Variants in DOP1B observed in about 807,000 individuals in gnomAD.
DOP1B encodes the protein DOP1 leucine zipper like protein B.
In DOP1B, 174 loss-of-function variants were observed where a neutral mutation model predicts 233.5. That is an observed-to-expected ratio of 0.75 (90% CI 0.66 to 0.85). The LOEUF (loss-of-function observed/expected upper bound fraction) is 0.85, where lower values mean the gene tolerates loss of function less well. Ranked by LOEUF, DOP1B falls within the 40% of genes least tolerant of loss-of-function variation. DOP1B has a pLI of 0.00. For synonymous variants in DOP1B, 1,190 were observed against 1,185.6 expected, an observed-to-expected ratio of 1.00 and a Z score of -0.08; for missense variants, 2,652 against 2,846.6, an observed-to-expected ratio of 0.93 and a Z score of 1.56.
At chr21:36,248,023 T>C in intron 20 of DOP1B, among the ~76,000 whole-genome samples, 1 of 152,252 alleles carries the variant, frequency 6.6e-6, no homozygotes, top group East Asian at 1.9e-4. Context: ...TCTTTTTCCA[T>C]GTATTTTTTA....
At chr21:36,182,892 G>T (rs2066117322) in intron 2 of DOP1B, among the ~76,000 whole-genome samples, 1 of 152,190 alleles carries the variant, frequency 6.6e-6, no homozygotes, top group Non-Finnish European at 1.5e-5. Context: ...ATCTTTTGGG[G>T]ATGTCACTGA....
At chr21:36,221,182 T>A (rs1274537627) in intron 10 of DOP1B, among the ~76,000 whole-genome samples, 2 of 152,148 alleles carry the variant, frequency 1.3e-5, no homozygotes, top group Non-Finnish European at 2.9e-5. Context: ...TTGCCTTAGA[T>A]ATTTGTTAAG....
chr21:36,218,907 A>G (rs927615550), intron 9 of DOP1B, among the ~76,000 whole-genome samples: 2 of 152,216 alleles, frequency 1.3e-5, no homozygotes, highest in Non-Finnish European at 2.9e-5. Context: ...GACTAAAGGA[A>G]TTGAAGAAGT....
At chr21:36,238,267 C>G (rs928671978) in intron 16 of DOP1B, among the ~76,000 whole-genome samples, 3 of 152,150 alleles carry the variant, frequency 2.0e-5, no homozygotes, top group Non-Finnish European at 2.9e-5. Context: ...TCTGTTGTGT[C>G]TCCTCGTTCT....
intron 21 of DOP1B, among the ~76,000 whole-genome samples, chr21:36,249,581 A>G (rs530215169): frequency 6.6e-6 from 1 of 152,332 alleles, no homozygotes; most frequent in African/African-American, 2.4e-5. Flanking sequence ...TGGCCCCATC[A>G]GAGTGGAATG....
In DOP1B at chr21:36,246,810, A is replaced by G. The variant is rs778084544; in HGVS notation, c.4697+133A>G. ...ATGAGAAGCCTGTTTAGCATTATCAAGAGGGGTAACAAGCAACTAAATGTT... is the reference window on the plus strand; with the variant it reads ...ATGAGAAGCCTGTTTAGCATTATCAGGAGGGGTAACAAGCAACTAAATGTT... On this transcript the variant is annotated intron_variant, in intron 19 of 36. Transcript: ENST00000691173. This position sits in a 1 kb window ranked among gnomAD's most constrained non-coding sequence, Gnocchi z 5.1. 2.1e-5 allele frequency: 22 copies of G among 1,051,068 alleles called. No individual in the cohort carries two copies. The highest frequency in any genetic ancestry group is 2.8e-5 in the Non-Finnish European group (21 of 739,316). 65.1% of individuals were successfully genotyped at this position (1,051,068 alleles called of 1,614,324 possible). A position where few individuals can be genotyped will look rare whatever the true frequency, so the allele number is the denominator to read the frequency against.
At chr21:36,216,714 A>C (rs977170462) in intron 9 of DOP1B, among the ~76,000 whole-genome samples, 9 of 152,170 alleles carry the variant, frequency 5.9e-5, no homozygotes, top group Non-Finnish European at 1.0e-4. Context: ...ATAGGATTGC[A>C]AGCCTAAGAA....
intron 12 of DOP1B, among the ~76,000 whole-genome samples, chr21:36,226,357 G>A (rs780926769): frequency 6.6e-6 from 1 of 151,668 alleles, no homozygotes; most frequent in African/African-American, 2.4e-5. Flanking sequence ...GAGTGCAATG[G>A]TGTGATCTCG....
chr21:36,225,096 C>T (rs1303532064), intron 11 of DOP1B, among the ~76,000 whole-genome samples: 3 of 152,248 alleles, frequency 2.0e-5, no homozygotes, highest in East Asian at 3.9e-4. Context: ...ATTGACACTT[C>T]TACATGTTAG....
intron 27 of DOP1B, among the ~76,000 whole-genome samples, chr21:36,273,271 G>A (rs1289073204): frequency 6.6e-6 from 1 of 151,504 alleles, no homozygotes; most frequent in Non-Finnish European, 1.5e-5. Context: ...GCCAGGTATG[G>A]TAGTGTGTGC....
At position 36,223,357 on chromosome 21, in the gene DOP1B, A is replaced by G. The variant is rs373877576; in HGVS notation, c.1370+7A>G. On this transcript the variant is annotated splice_region_variant and intron_variant, in intron 11 of 36. Transcript: ENST00000691173. ...GTTTTGAGGAATGCTTTAGGTAAGT[A>G]TGCAGTTCAAGAATGCAGAATATTT... is the stretch of plus-strand genomic sequence containing the variant. 3 of 1,607,662 alleles carry G rather than the reference A, an allele frequency of 1.9e-6. No homozygotes were observed. Among genetic ancestry groups the G allele is most frequent in the Non-Finnish European group, 2.5e-6 (3 of 1,178,576 alleles).
At chr21:36,251,972 G>T (rs996301853) in intron 22 of DOP1B, among the ~76,000 whole-genome samples, 2 of 152,060 alleles carry the variant, frequency 1.3e-5, no homozygotes, top group African/African-American at 2.4e-5. Context: ...AGGCCAAGAC[G>T]GGCAGATCGC....
chr21:36,171,779 C>T (rs147761139), intron 2 of DOP1B, among the ~76,000 whole-genome samples: 112 of 152,264 alleles, frequency 7.4e-4, no homozygotes, highest in African/African-American at 2.5e-3. Flanking sequence ...TGTGGCACTT[C>T]GTTATAGCAG....
intron 26 of DOP1B, among the ~76,000 whole-genome samples, chr21:36,264,661 C>T (rs889110675): frequency 2.0e-5 from 3 of 151,758 alleles, no homozygotes; most frequent in Non-Finnish European, 2.9e-5. Context: ...TTAGTAGAGG[C>T]GGGCTTTCTC....
intron 5 of DOP1B, among the ~76,000 whole-genome samples, chr21:36,210,033 G>A (rs1277332774): frequency 2.0e-5 from 3 of 152,016 alleles, no homozygotes; most frequent in East Asian, 1.9e-4. Flanking sequence ...CGATGAACAC[G>A]TCCCTTTCCT....
At chr21:36,247,079 C>T (rs142667520) in intron 19 of DOP1B, among the ~76,000 whole-genome samples, 2,017 of 152,158 alleles carry the variant, frequency 0.013, 47 homozygotes, top group African/African-American at 0.047. Context: ...GGGGTTTCAC[C>T]GTGTTGCCCA....
chr21:36,265,798 A>G (rs1323799408), intron 26 of DOP1B, among the ~76,000 whole-genome samples: 4 of 152,200 alleles, frequency 2.6e-5, no homozygotes, highest in Non-Finnish European at 5.9e-5. Flanking sequence ...GATATAGAAA[A>G]AAACAAAGTG....
In DOP1B at chr21:36,232,826, A is replaced by G. The variant is rs753726708; in HGVS notation, c.2373A>G (p.Pro791=). Reference sequence around the variant, plus strand: ...CAGGAGCCGGTGATTCCAGTTTTCCATCTTGGCTGAAGTCCCTCATGACTA... The same window carrying G: ...CAGGAGCCGGTGATTCCAGTTTTCCGTCTTGGCTGAAGTCCCTCATGACTA... The part of the protein sequence containing the change: ...QLPGAGDSSF[P]SWLKSLMTIC... The change falls in exon 15 of 37, where the codon CCA becomes CCG. Residue 791 remains proline (P), a synonymous_variant. Transcript: ENST00000691173. 32 of 1,612,350 alleles carry G rather than the reference A, an allele frequency of 2.0e-5. No homozygotes were observed. In the Middle Eastern group the frequency reaches 1.3e-3, roughly 66 times the overall value.
intron 22 of DOP1B, among the ~76,000 whole-genome samples, chr21:36,252,038 G>T (rs796586464): frequency 7.9e-5 from 12 of 152,110 alleles, no homozygotes; most frequent in African/African-American, 2.9e-4. Flanking sequence ...TTAGCCGGGC[G>T]TGGTGTTGTG....
Sources: gnomAD v4.1 joint callset for allele counts (sites outside exome capture counted in the v4.1 genomes callset) on GRCh38, gnomAD v4.1.1 for gene constraint, Gnocchi (gnomAD v3.1) non-coding constraint, MANE v1.5 for transcripts, NCBI Gene and HGNC (gene_info 2026-07-23, HGNC 2026-07-21) for gene names.